The following TMEM272 variants were observed in gnomAD, a reference collection of about 807,000 sequenced individuals.
TMEM272 encodes the protein long intergenic non-protein coding RNA 282.
In TMEM272, 8 loss-of-function variants were observed where a neutral mutation model predicts 3.7. The ratio of observed to expected loss-of-function variants is 2.17; its 90% CI spans 1.27 to 3.91. The LOEUF (loss-of-function observed/expected upper bound fraction) is 3.91, where lower values mean the gene tolerates loss of function less well. Among genes scored for constraint, TMEM272 ranks in the 30% most tolerant of loss-of-function variants. The pLI is 0.00. For synonymous variants in TMEM272, 63 were observed against 39.8 expected (o/e 1.58, Z -2.20); for missense variants, 166 against 91.5 (o/e 1.81, Z -3.32).
At chr13:51,889,611 C>A in the TMEM272 span, among the ~76,000 whole-genome samples, 1 of 151,734 alleles carries the variant, frequency 6.6e-6, no homozygotes, top group Admixed American at 6.6e-5. Context: ...ACCACCCAAT[C>A]CGATTTGTTT....
intron 2 of TMEM272, among the ~76,000 whole-genome samples, chr13:51,834,403 C>A (rs545358777): frequency 1.8e-4 from 28 of 152,312 alleles, no homozygotes; most frequent in African/African-American, 6.5e-4. Flanking sequence ...TACTTGAATT[C>A]TCGTGTGACC....
At chr13:51,893,862 AAAC>A in the TMEM272 span, among the ~76,000 whole-genome samples, 2 of 152,198 alleles carry the variant, frequency 1.3e-5, no homozygotes, top group Non-Finnish European at 2.9e-5. Flanking sequence ...GTTGTGGAGA[AAAC>A]AAATATAATA....
chr13:51,920,303 A>G, the TMEM272 span, among the ~76,000 whole-genome samples: 1 of 152,150 alleles, frequency 6.6e-6, no homozygotes, highest in Non-Finnish European at 1.5e-5. Context: ...AAGACTTGAC[A>G]GAGAAAAGAT....
intron 3 of TMEM272, among the ~76,000 whole-genome samples, chr13:51,825,176 T>C (rs1029249761): frequency 6.6e-6 from 1 of 152,218 alleles, no homozygotes; most frequent in South Asian, 2.1e-4. Flanking sequence ...GCTGAAGTGA[T>C]TGAATTGTTC....
chr13:51,865,654 T>TTTCTGGGAAGAGGAGAAAACC, the TMEM272 span: 1 of 1,614,130 alleles, frequency 6.2e-7, no homozygotes, highest in Non-Finnish European at 8.5e-7. Context: ...AGGAGAGACC[T>TTTCTGGGAAGAGGAGAAAACC]TTCTGGGAAG....
chr13:51,820,530 T>C (rs1484126941), intron 4 of TMEM272, among the ~76,000 whole-genome samples: 3 of 152,230 alleles, frequency 2.0e-5, no homozygotes, highest in African/African-American at 7.2e-5. Flanking sequence ...TTCACTAAAA[T>C]AAATTACCTT....
At chr13:51,925,364 T>TA in the TMEM272 span, among the ~76,000 whole-genome samples, 5 of 152,358 alleles carry the variant, frequency 3.3e-5, no homozygotes, top group African/African-American at 1.2e-4. Context: ...TCAGCAAAAG[T>TA]ACTGCCGGTG....
the TMEM272 span, among the ~76,000 whole-genome samples, chr13:51,864,955 T>C: frequency 2.0e-5 from 3 of 152,234 alleles, no homozygotes; most frequent in Non-Finnish European, 4.4e-5. Flanking sequence ...CACGTGAGCA[T>C]GCCCATAGGC....
upstream of TMEM272, among the ~76,000 whole-genome samples, chr13:51,848,955 C>T (rs1341970407): frequency 6.6e-6 from 1 of 152,106 alleles, no homozygotes; most frequent in Non-Finnish European, 1.5e-5. Flanking sequence ...TTTGAGTCAC[C>T]GTTTCTATAT....
At chr13:51,867,334 A>G in the TMEM272 span, among the ~76,000 whole-genome samples, 1 of 152,244 alleles carries the variant, frequency 6.6e-6, no homozygotes, top group Admixed American at 6.5e-5. Context: ...TAGGAGGGCC[A>G]GGACCAAAAC....
the TMEM272 span, among the ~76,000 whole-genome samples, chr13:51,885,878 A>G: frequency 6.6e-6 from 1 of 152,238 alleles, no homozygotes; most frequent in African/African-American, 2.4e-5. Flanking sequence ...AATCACGCCA[A>G]ACAAATAAAT....
chr13:51,842,753 T>C (rs1037810276), intron 1 of TMEM272, among the ~76,000 whole-genome samples: 13 of 152,224 alleles, frequency 8.5e-5, no homozygotes, highest in Admixed American at 3.3e-4. Context: ...TCTGTTACCA[T>C]TTGGTCTTCA....
At chr13:51,882,742 T>C in the TMEM272 span, among the ~76,000 whole-genome samples, 1 of 149,960 alleles carries the variant, frequency 6.7e-6, no homozygotes, top group Non-Finnish European at 1.5e-5. Flanking sequence ...ATAAATATAA[T>C]AAAAATAAAT....
At chr13:51,891,975 AG>A in the TMEM272 span, among the ~76,000 whole-genome samples, 13 of 152,308 alleles carry the variant, frequency 8.5e-5, no homozygotes, top group African/African-American at 3.1e-4. Context: ...AAAATTCTGA[AG>A]ATCAGGTGTA....
intron 2 of TMEM272, among the ~76,000 whole-genome samples, chr13:51,832,414 T>C (rs911376017): frequency 2.0e-5 from 3 of 152,214 alleles, no homozygotes; most frequent in African/African-American, 7.2e-5. Context: ...TTGCTTAGTT[T>C]AGTGCAGAAA....
At chr13:51,875,856 G>C in the TMEM272 span, among the ~76,000 whole-genome samples, 1 of 152,126 alleles carries the variant, frequency 6.6e-6, no homozygotes, top group Non-Finnish European at 1.5e-5. Context: ...GGAGACAGCT[G>C]TCTTTTCCTC....
At chr13:51,893,537 C>T in the TMEM272 span, among the ~76,000 whole-genome samples, 9 of 152,192 alleles carry the variant, frequency 5.9e-5, no homozygotes, top group East Asian at 1.7e-3. Flanking sequence ...GTGTGTTTTT[C>T]TGGGATTCTC....
chr13:51,893,890 T>G, the TMEM272 span, among the ~76,000 whole-genome samples: 2 of 152,144 alleles, frequency 1.3e-5, no homozygotes, highest in African/African-American at 4.8e-5. Context: ...AAATCCTCAA[T>G]GCAGAACTTT....
intron 2 of TMEM272, among the ~76,000 whole-genome samples, chr13:51,835,170 G>A (rs1956204597): frequency 6.6e-6 from 1 of 152,032 alleles, no homozygotes. Flanking sequence ...CAATCTAAGG[G>A]GGATATCTGA....
Sources: gnomAD v4.1 joint callset for allele counts (sites outside exome capture counted in the v4.1 genomes callset) on GRCh38, gnomAD v4.1.1 for gene constraint, MANE v1.5 for transcripts, NCBI Gene and HGNC (gene_info 2026-07-23, HGNC 2026-07-21) for gene names.